The following EFHC1 variants were observed in gnomAD, a reference collection of about 807,000 sequenced individuals.
EFHC1 encodes EF-hand domain-containing protein 1.
EFHC1 carries 53 observed loss-of-function variants against 69.9 expected under a neutral mutation model. The observed-to-expected ratio is 0.76, with a 90% CI of 0.61 to 0.95. The LOEUF (loss-of-function observed/expected upper bound fraction) is 0.95, where lower values mean the gene tolerates loss of function less well. Ranked by LOEUF, EFHC1 falls within the 40% of genes least tolerant of loss-of-function variation. EFHC1 has a pLI of 0.00. For synonymous variants in EFHC1, 256 were observed against 278.4 expected, an observed-to-expected ratio of 0.92 and a Z score of 0.80; for missense variants, 739 against 798.7, an observed-to-expected ratio of 0.93 and a Z score of 0.90.
chr6:52,453,456 G>T (rs577727735), intron 4 of EFHC1: 1 of 1,287,068 alleles, frequency 7.8e-7, no homozygotes, highest in South Asian at 1.2e-5. Context: ...CACCCTCAGT[G>T]CTTCTTTGCT....
Position 52,454,087 on chromosome 6 carries a change from C to A in EFHC1, c.724-8C>A, listed in dbSNP as rs1324494678. The A allele has an allele frequency of 6.2e-7, 1 of 1,612,568 alleles. No homozygotes were observed. The highest frequency in any genetic ancestry group is 1.7e-5 in the Admixed American group (1 of 60,002). Reference sequence around the variant, plus strand: ...GATTCTTGAGTCACTACTTTGGATTCTTCAAAGGTCCTTCGATTCTATGCA... The same window carrying A: ...GATTCTTGAGTCACTACTTTGGATTATTCAAAGGTCCTTCGATTCTATGCA... On this transcript the variant is annotated splice_polypyrimidine_tract_variant and splice_region_variant and intron_variant, in intron 4 of 10. Transcript: ENST00000371068.
chr6:52,451,105 G>A lies in EFHC1; in HGVS notation c.574-1583G>A, dbSNP rs541791461. On this transcript the variant is annotated intron_variant, in intron 3 of 10. Coordinates refer to ENST00000371068, the MANE Select transcript of EFHC1 (RefSeq NM_018100.4). ...ATGAGCCACCATGCCTGGCCTCTGT[G>A]CCTTTTAAATGGGGCCTTTAGCCCA... Among the ~76,000 whole-genome samples, 13 of 152,242 alleles carry A rather than the reference G, an allele frequency of 8.5e-5. No individual in the cohort carries two copies. The East Asian group carries it at 1.5e-3, about 18-fold the overall frequency.
At chr6:52,469,580 T>C (rs1765390300) in intron 7 of EFHC1, 107 bp downstream of exon 7, 1 of 1,506,752 alleles carries the variant, frequency 6.6e-7, no homozygotes, top group Admixed American at 1.7e-5. Flanking sequence ...AGTTATGTGT[T>C]GACTCAACCA....
chr6:52,456,862 C>T (rs958460450), intron 5 of EFHC1, among the ~76,000 whole-genome samples: 8 of 152,172 alleles, frequency 5.3e-5, no homozygotes, highest in African/African-American at 1.7e-4. Context: ...CTGCAGTGAG[C>T]GGAGATTGCG....
At chr6:52,456,045 G>A (rs1263231312) in intron 5 of EFHC1, among the ~76,000 whole-genome samples, 1 of 152,176 alleles carries the variant, frequency 6.6e-6, no homozygotes, top group Non-Finnish European at 1.5e-5. Flanking sequence ...TCACATAGCT[G>A]CATTAGAATG....
chr6:52,463,915 G>A (rs1167679212), intron 5 of EFHC1, among the ~76,000 whole-genome samples: 1 of 152,186 alleles, frequency 6.6e-6, no homozygotes, highest in Non-Finnish European at 1.5e-5. Flanking sequence ...GCCCTCCTTT[G>A]CTATGATCAA....
In EFHC1 at chr6:52,439,010, A is replaced by G. The variant is rs115410212; in HGVS notation, c.573+419A>G. On this transcript the variant is annotated intron_variant, in intron 3 of 10. Coordinates refer to ENST00000371068, the MANE Select transcript of EFHC1 (RefSeq NM_018100.4). ...GCCTAAAATTTTTTGTGTAGCTCAT[A>G]TATTTTTGGTAAATGATACTTGCTA... Among the ~76,000 whole-genome samples, 847 of 152,310 alleles carry G rather than the reference A, an allele frequency of 5.6e-3. 8 individuals are homozygous for G. The highest frequency in any genetic ancestry group is 0.019 in the African/African-American group (795 of 41,584).
chr6:52,492,259 T>C lies in EFHC1; in HGVS notation c.1852-11T>C, dbSNP rs202131037. ...GATCTGTCTCACCTATTCTCTTTGC[T>C]CTCTCTGCAGTTAATCAGGATGTGC... On this transcript the variant is annotated splice_polypyrimidine_tract_variant and intron_variant, in intron 10 of 10. Transcript: ENST00000371068. 1.9e-6 allele frequency: 3 copies of C among 1,613,218 alleles called. No homozygotes were observed. The highest frequency in any genetic ancestry group is 2.5e-6 in the Non-Finnish European group (3 of 1,179,302).
intron 7 of EFHC1, among the ~76,000 whole-genome samples, chr6:52,477,453 G>A (rs1284323901): frequency 1.3e-5 from 2 of 152,152 alleles, no homozygotes; most frequent in African/African-American, 2.4e-5. Flanking sequence ...TCTGTATTAA[G>A]TTTTGTTGGA....
intron 2 of EFHC1, among the ~76,000 whole-genome samples, chr6:52,424,919 C>A (rs1764271972): frequency 6.6e-6 from 1 of 152,174 alleles, no homozygotes; most frequent in Non-Finnish European, 1.5e-5. Context: ...AAGTACTGAT[C>A]AGTTTTGATA....
Position 52,423,957 on chromosome 6 carries a change from C to T in EFHC1, c.75C>T (p.Phe25=), listed in dbSNP as rs1220248167. 5.6e-6 allele frequency: 9 copies of T among 1,614,000 alleles called. No individual in the cohort carries two copies. The highest frequency in any genetic ancestry group is 7.6e-6 in the Non-Finnish European group (9 of 1,180,012). The part of the protein sequence containing the change: ...TSFKDSTKTA[F]HRSQTLSYRN... The stretch of plus-strand genomic sequence containing the variant: ...CTTTTCTTCTTCAGAAAACAGCCTT[C>T]CACAGAAGTCAGACGCTGAGCTACA... The change falls in exon 2 of 11, where the codon TTC becomes TTT. Residue 25 remains phenylalanine (F), a synonymous_variant. Coordinates refer to ENST00000371068, the MANE Select transcript of EFHC1 (RefSeq NM_018100.4).
rs115844292 is a variant in EFHC1, at chr6:52,420,816, G to A, written c.63+343G>A. Among the ~76,000 whole-genome samples, 827 of 151,754 alleles carry A rather than the reference G, an allele frequency of 5.4e-3. 8 individuals carry two copies. The highest frequency in any genetic ancestry group is 0.019 in the African/African-American group (781 of 41,344). The stretch of plus-strand genomic sequence containing the variant: ...CTGCCTCTTGTCCCTTTAGATCACT[G>A]TTTCCCCCACCCTACTCCCAACCTA... On this transcript the variant is annotated intron_variant, in intron 1 of 10. Transcript: ENST00000371068.
chr6:52,430,784 T>C (rs1764397212), intron 2 of EFHC1, among the ~76,000 whole-genome samples: 1 of 152,108 alleles, frequency 6.6e-6, no homozygotes, highest in Non-Finnish European at 1.5e-5. Flanking sequence ...ATAGTACCAG[T>C]TTTTCTTTGA....
At chr6:52,450,807 GTTT>G (rs1764899197) in intron 3 of EFHC1, among the ~76,000 whole-genome samples, 1 of 151,506 alleles carries the variant, frequency 6.6e-6, no homozygotes, top group South Asian at 2.1e-4. Flanking sequence ...TGTTTTGTTT[GTTT>G]GTTTTTGAGA....
chr6:52,479,318 C>A (rs1765619187), intron 8 of EFHC1, 68 bp downstream of exon 8: 1 of 1,537,024 alleles, frequency 6.5e-7, no homozygotes, highest in Admixed American at 1.7e-5. Context: ...GAATTTAATT[C>A]ATTTAACCCT....
intron 3 of EFHC1, among the ~76,000 whole-genome samples, chr6:52,440,987 G>C (rs539100064): frequency 1.3e-5 from 2 of 151,640 alleles, no homozygotes; most frequent in Non-Finnish European, 3.0e-5. Flanking sequence ...GGGGTTCTTT[G>C]CTTTTTTTCT....
intron 3 of EFHC1, among the ~76,000 whole-genome samples, chr6:52,443,336 G>T (rs1764706757): frequency 6.6e-6 from 1 of 152,098 alleles, no homozygotes; most frequent in Non-Finnish European, 1.5e-5. Context: ...CATTGCTTTT[G>T]GTGTTTTAGT....
intron 3 of EFHC1, among the ~76,000 whole-genome samples, chr6:52,451,240 T>TTATA (rs1764910863): frequency 6.6e-6 from 1 of 152,246 alleles, no homozygotes; most frequent in Non-Finnish European, 1.5e-5. Flanking sequence ...GTCACTGGTC[T>TTATA]GTGTACTTGT....
rs758715767 is a variant in EFHC1 at position 52,479,639 on chromosome 6, G to C, written c.1493-1G>C. On this transcript the variant is annotated splice_acceptor_variant, in intron 8 of 10. Transcript: ENST00000371068. LOFTEE classifies it high-confidence loss of function. ...TAAGTGTGTTGCTACCTTCTCTCCAGTGTTTGGTCACCGGTTCATCATCCT... is the reference window on the plus strand; with the variant it reads ...TAAGTGTGTTGCTACCTTCTCTCCACTGTTTGGTCACCGGTTCATCATCCT... The C allele has an allele frequency of 6.2e-7, 1 of 1,614,180 alleles. No homozygotes were observed. The highest frequency in any genetic ancestry group is 2.2e-5 in the East Asian group (1 of 44,874).
Sources: allele counts gnomAD v4.1 joint callset (sites outside exome capture counted in the v4.1 genomes callset), GRCh38; gene constraint gnomAD v4.1.1; transcripts MANE v1.5; gene names NCBI Gene and HGNC (gene_info 2026-07-23, HGNC 2026-07-21).